Variants in STK3 observed in about 807,000 individuals in gnomAD.
STK3 encodes the protein serine/threonine kinase 3.
In STK3, 41 loss-of-function variants were observed where a neutral mutation model predicts 58.0. That is an observed-to-expected ratio of 0.71 (90% CI 0.55 to 0.92). The LOEUF (loss-of-function observed/expected upper bound fraction) is 0.92. Ranked by LOEUF, STK3 falls within the 40% of genes least tolerant of loss-of-function variation. STK3 has a pLI of 0.00. For synonymous variants in STK3, 170 were observed against 191.0 expected, an observed-to-expected ratio of 0.89 and a Z score of 0.91; for missense variants, 479 against 602.7, an observed-to-expected ratio of 0.79 and a Z score of 2.15.
chr8:98,712,174 A>G, intron 4 of STK3, among the ~76,000 whole-genome samples: 1 of 152,246 alleles, frequency 6.6e-6, no homozygotes, highest in East Asian at 1.9e-4. Context: ...AGCCACTGCA[A>G]AAACATGCCA....
At position 98,706,762 on chromosome 8, in the gene STK3, C is replaced by T. The variant is rs867461901; in HGVS notation, c.517-128G>A. On this transcript the variant is annotated intron_variant, in intron 5 of 10. Coordinates refer to ENST00000419617, the MANE Select transcript of STK3 (RefSeq NM_006281.4). ...ATTATATCAGAAATTGACTATTTTG[C>T]TAAAATTTCAACTAGTTATGACATA... The T allele has an allele frequency of 5.3e-6, 6 of 1,136,936 alleles. No homozygotes were observed. The Middle Eastern group carries it at 1.0e-3, about 193-fold the overall frequency. The allele number at this position is 1,136,936 out of a possible 1,614,324, so 70.4% of individuals were successfully genotyped here.
intron 7 of STK3, among the ~76,000 whole-genome samples, chr8:98,585,680 C>T (rs62535378): frequency 0.019 from 2,953 of 151,762 alleles, 46 homozygotes; most frequent in Non-Finnish European, 0.028. Flanking sequence ...TGTAAATTAC[C>T]TTGGGCAGTA....
At chr8:98,481,145 G>T (rs1192762360) in intron 10 of STK3, among the ~76,000 whole-genome samples, 1 of 151,764 alleles carries the variant, frequency 6.6e-6, no homozygotes, top group East Asian at 1.9e-4. Context: ...TTCAACCACT[G>T]CTAGAAAATC....
intron 6 of STK3, chr8:98,602,069 C>T (rs1014188888): frequency 1.3e-5 from 2 of 152,168 alleles, no homozygotes; most frequent in African/African-American, 4.8e-5. Context: ...AAATACAAGA[C>T]AAGTGCTATC....
intron 9 of STK3, 63 bp from the exon 10 acceptor site, chr8:98,526,980 G>T: frequency 7.6e-7 from 1 of 1,311,768 alleles, no homozygotes; most frequent in South Asian, 2.7e-5. Flanking sequence ...TATTTTCTTT[G>T]AAGTATGATT....
chr8:98,481,701 C>T (rs1821864061), intron 10 of STK3, among the ~76,000 whole-genome samples: 1 of 148,000 alleles, frequency 6.8e-6, no homozygotes, highest in Non-Finnish European at 1.5e-5. Flanking sequence ...CCAAAAACCA[C>T]TAGTATCCCT....
chr8:98,696,563 TG>T (rs1824954997), intron 6 of STK3, among the ~76,000 whole-genome samples: 1 of 152,218 alleles, frequency 6.6e-6, no homozygotes, highest in Admixed American at 6.5e-5. Flanking sequence ...GTTTTTAGCA[TG>T]AAGCATTGTT....
intron 1 of STK3, chr8:98,904,920 A>G (rs772751265): frequency 1.4e-6 from 1 of 702,064 alleles, no homozygotes; most frequent in Non-Finnish European, 2.7e-6. Context: ...CAGATGGGAC[A>G]TGGTCTGCTC....
At chr8:98,565,184 A>C (rs1812376055) in intron 8 of STK3, among the ~76,000 whole-genome samples, 1 of 152,176 alleles carries the variant, frequency 6.6e-6, no homozygotes, top group African/African-American at 2.4e-5. Flanking sequence ...ATCTGTTAGG[A>C]AGGTTTTTAA....
rs1383760754 is a variant in STK3, at chr8:98,672,960, G to A, written c.684+33507C>T. Among the ~76,000 whole-genome samples, 11 of 152,070 alleles carry A rather than the reference G, an allele frequency of 7.2e-5. 1 individual carries two copies. Among genetic ancestry groups the A allele is most frequent in the Admixed American group, 7.2e-4 (11 of 15,262 alleles). ...TTCAAGGGATTCAAGAAGAAGCTATGACAGTTTGCTGTGTTTCTTTAAAAA... is the reference window on the plus strand; with the variant it reads ...TTCAAGGGATTCAAGAAGAAGCTATAACAGTTTGCTGTGTTTCTTTAAAAA... On this transcript the variant is annotated intron_variant, in intron 6 of 10. Transcript: ENST00000419617.
intron 1 of STK3, among the ~76,000 whole-genome samples, chr8:98,906,720 C>A (rs1274942872): frequency 6.6e-6 from 1 of 152,194 alleles, no homozygotes. Flanking sequence ...TTTATTCAAA[C>A]TTTTTAAAGG....
intron 10 of STK3, among the ~76,000 whole-genome samples, chr8:98,513,284 C>T (rs1264137240): frequency 6.6e-6 from 1 of 152,132 alleles, no homozygotes; most frequent in East Asian, 1.9e-4. Flanking sequence ...AATCATCACC[C>T]AGCCTACATA....
At chr8:98,803,502 G>A (rs4735581) in intron 1 of STK3, among the ~76,000 whole-genome samples, 1 of 148,798 alleles carries the variant, frequency 6.7e-6, no homozygotes, top group African/African-American at 2.5e-5. Context: ...GCTAAGGTAG[G>A]AGAATGACAT....
At chr8:98,727,864 A>C (rs1261447891) in intron 4 of STK3, among the ~76,000 whole-genome samples, 2 of 152,110 alleles carry the variant, frequency 1.3e-5, no homozygotes, top group Non-Finnish European at 2.9e-5. Flanking sequence ...TTCAGTTTCC[A>C]TTCATTTTTA....
intron 1 of STK3, among the ~76,000 whole-genome samples, chr8:98,824,364 A>G (rs1465035886): frequency 1.3e-5 from 2 of 152,232 alleles, no homozygotes; most frequent in African/African-American, 2.4e-5. Flanking sequence ...CTTACAGTAC[A>G]GCTAATCAAT....
intron 3 of STK3, among the ~76,000 whole-genome samples, chr8:98,755,278 C>T (rs1830220464): frequency 6.6e-6 from 1 of 152,202 alleles, no homozygotes; most frequent in Admixed American, 6.5e-5. Flanking sequence ...GTGAAACACA[C>T]ATTCACAATT....
In STK3 at chr8:98,548,044, T is replaced by A. The variant is rs1430855193; in HGVS notation, c.1066A>T (p.Thr356Ser). 1 of 1,610,824 alleles carries A rather than the reference T, an allele frequency of 6.2e-7. No individual in the cohort carries two copies. Among genetic ancestry groups the A allele is most frequent in the African/African-American group, 1.3e-5 (1 of 74,724 alleles). The change falls in exon 9 of 11, where the codon ACG (threonine) becomes TCG (serine). Residue 356 changes from threonine to serine, a missense_variant. Around this residue, in one of 3 missense-constraint regions of STK3, gnomAD observed 309 missense variants for 355.7 expected, o/e 0.87. Transcript: ENST00000419617. ...GAQTMIEHNS[T>S]MLESDLGTMV... is the part of the protein sequence containing the mutation. ...GTCCCCAAGTCGGATTCCAACATCG[T>A]GCTATTATGTTCAATCATGGTCTGG...
At chr8:98,382,948 G>A (rs1279330085) in intron 1 of STK3, among the ~76,000 whole-genome samples, 2 of 152,272 alleles carry the variant, frequency 1.3e-5, no homozygotes, top group Middle Eastern at 6.8e-3. Context: ...TCCCACAGAA[G>A]AGGAAAGAAA....
At chr8:98,617,211 T>C (rs1003498345) in intron 6 of STK3, among the ~76,000 whole-genome samples, 3 of 151,018 alleles carry the variant, frequency 2.0e-5, no homozygotes, top group South Asian at 4.3e-4. Flanking sequence ...CCTGAATGAC[T>C]ACTGGGTACA....
Sources: gnomAD v4.1 joint callset for allele counts (sites outside exome capture counted in the v4.1 genomes callset) on GRCh38, gnomAD v4.1.1 for gene constraint, gnomAD v4.1.1 regional missense constraint, MANE v1.5 for transcripts, NCBI Gene and HGNC (gene_info 2026-07-23, HGNC 2026-07-21) for gene names.